Variants in GPC3 observed in about 807,000 individuals in gnomAD.
GPC3 encodes the protein glypican-3.
A neutral mutation model predicts 34.4 loss-of-function variants in GPC3; 3 were observed. The ratio of observed to expected loss-of-function variants is 0.09; its 90% CI spans 0.04 to 0.23. The LOEUF is 0.23. Among genes scored for constraint, GPC3 ranks in the 10% least tolerant of loss-of-function variants. GPC3 has a pLI of 1.00. For synonymous variants in GPC3, 177 were observed against 174.0 expected, an observed-to-expected ratio of 1.02 and a Z score of -0.13; for missense variants, 351 against 445.6, an observed-to-expected ratio of 0.79 and a Z score of 1.91.
intron 2 of GPC3, among the ~76,000 whole-genome samples, chrX:133,916,365 C>T (rs1266430089): frequency 9.0e-6 from 1 of 111,299 alleles, no homozygotes; most frequent in African/African-American, 3.3e-5. Flanking sequence ...AGTCTGTTAA[C>T]TAAGCTGTTA....
chrX:133,985,382 T>C lies in GPC3; in HGVS notation c.68A>G (p.Gln23Arg), dbSNP rs866488565. The C allele has an allele frequency of 6.7e-6, 8 of 1,196,584 alleles. No homozygotes were observed. In the Middle Eastern group the frequency reaches 1.4e-3, roughly 214 times the overall value. The change falls in exon 1 of 8, where the codon CAG (glutamine) becomes CGG (arginine). Residue 23 changes from glutamine to arginine, a missense_variant. Coordinates refer to ENST00000370818, the MANE Select transcript of GPC3 (RefSeq NM_004484.4). The stretch of plus-strand genomic sequence containing the variant: ...CGGCGGCGGCGGCGGGGGCTGCGCC[T>C]GTCCCGGGAAGTCCAAGCTGAGCAG... ...AMLLSLDFPG[Q>R]AQPPPPPPDA...
chrX:133,906,166 A>G (rs1442177415), intron 2 of GPC3, among the ~76,000 whole-genome samples: 1 of 111,893 alleles, frequency 8.9e-6, no homozygotes, highest in Non-Finnish European at 1.9e-5. Flanking sequence ...TCTATTTCCT[A>G]AAGTCTGCAG....
intron 6 of GPC3, among the ~76,000 whole-genome samples, chrX:133,609,692 T>A (rs2070088963): frequency 8.9e-6 from 1 of 112,435 alleles, no homozygotes; most frequent in Non-Finnish European, 1.9e-5. Context: ...AATTCTACTA[T>A]ATCCTTACAT....
At chrX:133,841,362 A>G (rs748691783) in intron 2 of GPC3, among the ~76,000 whole-genome samples, 1 of 105,884 alleles carries the variant, frequency 9.4e-6, no homozygotes, top group African/African-American at 3.4e-5. Flanking sequence ...GCCCAGCCCT[A>G]AAGTTGTCTA....
At chrX:133,953,290 C>T in intron 1 of GPC3, 79 bp from the exon 2 acceptor site, 1 of 782,600 alleles carries the variant, frequency 1.3e-6, no homozygotes, top group East Asian at 3.2e-5. Flanking sequence ...CCCCCACCCC[C>T]TACACACACA....
intron 1 of GPC3, among the ~76,000 whole-genome samples, chrX:133,979,731 C>G (rs1260765766): frequency 9.0e-6 from 1 of 111,646 alleles, no homozygotes; most frequent in Non-Finnish European, 1.9e-5. Context: ...CAGTCTGGGG[C>G]CTGTAACTTG....
At chrX:133,923,912 G>A (rs1175333957) in intron 2 of GPC3, among the ~76,000 whole-genome samples, 1 of 111,758 alleles carries the variant, frequency 8.9e-6, no homozygotes, top group Non-Finnish European at 1.9e-5. Context: ...CAAATGCCAG[G>A]TACGTGAGGA....
intron 7 of GPC3, among the ~76,000 whole-genome samples, chrX:133,591,255 G>T (rs755813794): frequency 2.7e-5 from 3 of 112,206 alleles, no homozygotes; most frequent in Non-Finnish European, 3.8e-5. Flanking sequence ...TGGTGAACGT[G>T]CATGGTGTTC....
rs35086661 is a variant in GPC3, at chrX:133,914,944, AATATATATATATATATAT to A, written c.337+38088_337+38105del. On this transcript the variant is annotated intron_variant, in intron 2 of 7. Transcript: ENST00000370818. ...TTATGTATTTTTTCATCAAACTGGA[AATATATATATATATATAT>A]ATATATATATATATATATAAAGTTT... 3.4e-4 allele frequency among the ~76,000 whole-genome samples: 17 copies of A among 49,944 alleles called. 2 individuals carry two copies. The highest frequency in any genetic ancestry group is 1.6e-3 in the African/African-American group (16 of 10,045). The allele number at this position is 49,944 out of a possible 115,157, so 43.4% of individuals were successfully genotyped here. A position where few individuals can be genotyped will look rare whatever the true frequency, so the allele number is the denominator to read the frequency against.
intron 6 of GPC3, among the ~76,000 whole-genome samples, chrX:133,623,099 A>G (rs1339549384): frequency 1.8e-5 from 2 of 112,029 alleles, no homozygotes; most frequent in African/African-American, 6.5e-5. Flanking sequence ...CTTTACAGGA[A>G]AGCAAATGCT....
intron 6 of GPC3, among the ~76,000 whole-genome samples, chrX:133,646,808 G>C (rs17251489): frequency 0.065 from 7,268 of 111,627 alleles, 261 homozygotes; most frequent in Non-Finnish European, 0.1. Flanking sequence ...TAATTCCACT[G>C]TATGATAGCC....
intron 3 of GPC3, among the ~76,000 whole-genome samples, chrX:133,734,725 T>TCA (rs1300653551): frequency 9.0e-6 from 1 of 111,465 alleles, no homozygotes; most frequent in Non-Finnish European, 1.9e-5. Flanking sequence ...ACAATCTCTC[T>TCA]CTCTCTCTCT....
At chrX:133,869,876 A>G (rs1234905872) in intron 2 of GPC3, among the ~76,000 whole-genome samples, 3 of 111,958 alleles carry the variant, frequency 2.7e-5, no homozygotes, top group Non-Finnish European at 5.6e-5. Context: ...AATGGCATGA[A>G]CCCAGGAGGC....
chrX:133,981,354 G>T (rs1468027029), intron 1 of GPC3, among the ~76,000 whole-genome samples: 1 of 111,946 alleles, frequency 8.9e-6, no homozygotes, highest in Non-Finnish European at 1.9e-5. Flanking sequence ...CTATTACAGA[G>T]GCTGCCAAGG....
chrX:133,927,182 G>T (rs1369605487), intron 2 of GPC3, among the ~76,000 whole-genome samples: 1 of 111,097 alleles, frequency 9.0e-6, no homozygotes, highest in African/African-American at 3.3e-5. Context: ...TTTGCCAATA[G>T]GGAAGCAGAT....
intron 2 of GPC3, among the ~76,000 whole-genome samples, chrX:133,870,548 C>T (rs2075989924): frequency 9.0e-6 from 1 of 111,583 alleles, no homozygotes; most frequent in Non-Finnish European, 1.9e-5. Flanking sequence ...ATTTGTCCCA[C>T]ATTTCCTAAG....
chrX:133,540,915 G>GGTGTGTGTGT (rs369378252), intron 7 of GPC3, among the ~76,000 whole-genome samples: 2 of 91,695 alleles, frequency 2.2e-5, no homozygotes, highest in African/African-American at 8.2e-5. Context: ...ACATTGTTGT[G>GGTGTGTGTGT]GTGTGTGTGT....
At chrX:133,603,558 C>T (rs1050683365) in intron 6 of GPC3, among the ~76,000 whole-genome samples, 2 of 111,890 alleles carry the variant, frequency 1.8e-5, no homozygotes, top group Non-Finnish European at 3.8e-5. Context: ...ATGATGATTT[C>T]CTTTTCAGTT....
At chrX:133,606,067 T>C (rs903636811) in intron 6 of GPC3, among the ~76,000 whole-genome samples, 2 of 112,212 alleles carry the variant, frequency 1.8e-5, no homozygotes, top group Non-Finnish European at 3.8e-5. Flanking sequence ...TTATGGTTTG[T>C]GAATGCAGCA....
Sources: allele counts gnomAD v4.1 joint callset (sites outside exome capture counted in the v4.1 genomes callset), GRCh38; gene constraint gnomAD v4.1.1; transcripts MANE v1.5; gene names NCBI Gene and HGNC (gene_info 2026-07-23, HGNC 2026-07-21).